The following BNC2 variants were observed in gnomAD, a reference collection of about 807,000 sequenced individuals.
The protein encoded by BNC2 is basonuclin zinc finger protein 2.
A neutral mutation model predicts 76.3 loss-of-function variants in BNC2; 20 were observed. The observed-to-expected ratio is 0.26, with a 90% CI of 0.18 to 0.38. The LOEUF (loss-of-function observed/expected upper bound fraction) is 0.38, where lower values mean the gene tolerates loss of function less well. Ranked by LOEUF, BNC2 falls within the 10% of genes least tolerant of loss-of-function variation. The pLI is 1.00. For missense variants in BNC2, 1,382 were observed against 1,399.8 expected (o/e 0.99, Z 0.20); for synonymous variants, 582 against 514.8 (o/e 1.13, Z -1.77).
chr9:16,821,440 T>A (rs1347203751), intron 1 of BNC2, among the ~76,000 whole-genome samples: 2 of 152,124 alleles, frequency 1.3e-5, no homozygotes, highest in South Asian at 2.1e-4. Context: ...GAAAAAAAAA[T>A]TATTTCCAAT....
intron 1 of BNC2, among the ~76,000 whole-genome samples, chr9:16,851,979 C>A (rs7868157): frequency 0.74 from 110,030 of 147,698 alleles, 40,466 homozygotes; most frequent in South Asian, 0.91. Flanking sequence ...CATGCTGAAT[C>A]TCATATATAA....
At chr9:16,698,830 G>C (rs1045287643) in intron 3 of BNC2, among the ~76,000 whole-genome samples, 4 of 152,266 alleles carry the variant, frequency 2.6e-5, no homozygotes, top group Middle Eastern at 6.8e-3. Flanking sequence ...TACATTGGTA[G>C]GTACTTGTAA....
chr9:16,860,276 T>C (rs892893472), intron 1 of BNC2, among the ~76,000 whole-genome samples: 25 of 152,134 alleles, frequency 1.6e-4, no homozygotes, highest in Admixed American at 1.2e-3. Context: ...CACTTCTCAA[T>C]TGCAAAACTT....
intron 5 of BNC2, among the ~76,000 whole-genome samples, chr9:16,528,237 A>G (rs917730913): frequency 6.6e-6 from 1 of 152,242 alleles, no homozygotes; most frequent in African/African-American, 2.4e-5. Context: ...CTAAAATGAC[A>G]ATAGTTCTTG....
At chr9:16,576,059 C>T (rs537083882) in intron 4 of BNC2, among the ~76,000 whole-genome samples, 25 of 152,316 alleles carry the variant, frequency 1.6e-4, no homozygotes, top group South Asian at 8.3e-4. Flanking sequence ...CCCTAAGGAT[C>T]TGGTTCTTAC....
intron 5 of BNC2, among the ~76,000 whole-genome samples, chr9:16,449,769 G>C (rs376610954): frequency 1.4e-5 from 2 of 146,106 alleles, no homozygotes; most frequent in African/African-American, 2.5e-5. Context: ...GAATTTAGTA[G>C]TGGAATCACA....
intron 3 of BNC2, among the ~76,000 whole-genome samples, chr9:16,620,327 C>A (rs1021388744): frequency 2.6e-5 from 4 of 152,142 alleles, no homozygotes; most frequent in African/African-American, 9.7e-5. Flanking sequence ...CTAAATACCA[C>A]TGTATTAAAC....
chr9:16,690,979 C>T (rs539871106), intron 3 of BNC2, among the ~76,000 whole-genome samples: 1 of 152,150 alleles, frequency 6.6e-6, no homozygotes, highest in Admixed American at 6.5e-5. Context: ...AGAACAGTGC[C>T]CTGGGCTCTG....
intron 4 of BNC2, among the ~76,000 whole-genome samples, chr9:16,560,065 T>C (rs745883461): frequency 3.9e-5 from 6 of 152,184 alleles, no homozygotes; most frequent in South Asian, 2.1e-4. Flanking sequence ...TTCTCACTCA[T>C]TGTGTGCATC....
At chr9:16,676,893 A>G (rs567891817) in intron 3 of BNC2, among the ~76,000 whole-genome samples, 3 of 152,318 alleles carry the variant, frequency 2.0e-5, no homozygotes, top group Non-Finnish European at 4.4e-5. Context: ...AGATATTATC[A>G]TTTTCTTATT....
intron 5 of BNC2, among the ~76,000 whole-genome samples, chr9:16,499,259 C>T (rs1012598100): frequency 2.6e-5 from 4 of 152,038 alleles, no homozygotes; most frequent in African/African-American, 9.7e-5. Context: ...AAAACTGAGG[C>T]TCAGTCAGTT....
intron 1 of BNC2, among the ~76,000 whole-genome samples, chr9:16,800,625 G>A (rs1204069888): frequency 6.6e-6 from 1 of 151,834 alleles, no homozygotes; most frequent in Admixed American, 6.6e-5. Context: ...GGAATTCATA[G>A]AAAAAGTACT....
chr9:16,485,347 T>C (rs1298046266), intron 5 of BNC2, among the ~76,000 whole-genome samples: 1 of 152,210 alleles, frequency 6.6e-6, no homozygotes, highest in Non-Finnish European at 1.5e-5. Flanking sequence ...AAGTCTCTTG[T>C]AGCCCAGTTT....
chr9:16,420,397 TTCA>T (rs1184149155), intron 6 of BNC2, among the ~76,000 whole-genome samples: 7 of 152,052 alleles, frequency 4.6e-5, no homozygotes, highest in Admixed American at 3.9e-4. Context: ...CCAAAATATT[TTCA>T]TCGAGTAGTT....
At chr9:16,869,563 A>G (rs549182393) in intron 1 of BNC2, among the ~76,000 whole-genome samples, 83 of 152,300 alleles carry the variant, frequency 5.4e-4, no homozygotes, top group South Asian at 1.7e-3. Context: ...CTGTATTCTC[A>G]TATGTTCCCT....
At chr9:16,475,647 A>G (rs916988295) in intron 5 of BNC2, among the ~76,000 whole-genome samples, 2 of 152,204 alleles carry the variant, frequency 1.3e-5, no homozygotes, top group African/African-American at 2.4e-5. Context: ...ATCCACTAGA[A>G]ATTAATAAAT....
intron 3 of BNC2, among the ~76,000 whole-genome samples, chr9:16,660,916 T>A (rs769820516): frequency 3.2e-4 from 48 of 152,322 alleles, no homozygotes; most frequent in Non-Finnish European, 3.2e-4. Flanking sequence ...TGCATAGTAA[T>A]GCCATTTATA....
At chr9:16,569,586 A>G (rs899222302) in intron 4 of BNC2, among the ~76,000 whole-genome samples, 2 of 152,110 alleles carry the variant, frequency 1.3e-5, no homozygotes, top group Non-Finnish European at 2.9e-5. Context: ...ACATAAAAGT[A>G]TTTCACCACT....
rs544177908 is a variant in BNC2, at chr9:16,612,730, T to G, written c.331-29645A>C. Among the ~76,000 whole-genome samples, 3 of 152,160 alleles carry G rather than the reference T, an allele frequency of 2.0e-5. 1 individual carries two copies. Among genetic ancestry groups the G allele is most frequent in the Non-Finnish European group, 4.4e-5 (3 of 68,016 alleles). On this transcript the variant is annotated intron_variant, in intron 3 of 6. Coordinates refer to ENST00000380672, the MANE Select transcript of BNC2 (RefSeq NM_017637.6). ...TGTGATCAATGTGACAAGACAGGCA[T>G]AAACAAAATGCTTTAGGGTTCAGGG... is the stretch of plus-strand genomic sequence containing the variant.
Sources: gnomAD v4.1 joint callset for allele counts (sites outside exome capture counted in the v4.1 genomes callset) on GRCh38, gnomAD v4.1.1 for gene constraint, MANE v1.5 for transcripts, NCBI Gene and HGNC (gene_info 2026-07-23, HGNC 2026-07-21) for gene names.